The following ANKRD16 variants were observed in gnomAD, a reference collection of about 807,000 sequenced individuals.
ANKRD16 encodes the protein ankyrin repeat domain-containing protein 16.
In ANKRD16, 35 loss-of-function variants were observed where a neutral mutation model predicts 37.9. The observed-to-expected ratio is 0.92, with a 90% confidence interval of 0.71 to 1.23. The LOEUF is 1.23. Among genes scored for constraint, ANKRD16 ranks in the 50% most tolerant of loss-of-function variants. The pLI, the probability that ANKRD16 is intolerant of heterozygous loss-of-function variation, is 0.00. For missense variants in ANKRD16, 480 were observed against 469.9 expected (o/e 1.02, Z -0.20); for synonymous variants, 206 against 197.2 (o/e 1.04, Z -0.37).
Position 5,889,339 on chromosome 10 carries a change from C to T in ANKRD16, c.16G>A (p.Asp6Asn). The T allele has an allele frequency of 1.0e-5, 13 of 1,250,522 alleles. No individual in the cohort carries two copies. The highest frequency in any genetic ancestry group is 1.3e-5 in the Non-Finnish European group (13 of 1,000,530). 77.5% of individuals were successfully genotyped at this position (1,250,522 alleles called of 1,614,324 possible). A position where few individuals can be genotyped will look rare whatever the true frequency, so the allele number is the denominator to read the frequency against. ...ACCAGCCTGCAGAGGCGCCGCGGGTCCCCGGGCTGGGCCATCGCCGCGGGT... is the reference window on the plus strand; with the variant it reads ...ACCAGCCTGCAGAGGCGCCGCGGGTTCCCGGGCTGGGCCATCGCCGCGGGT... MAQPGDPRRLCRLVQE... is the reference protein window; with the variant it reads MAQPGNPRRLCRLVQE... Residue 6 changes from aspartate to asparagine, a missense_variant, in exon 1 of 8, where the codon GAC becomes AAC. By Grantham distance (23) the Asp-to-Asn change is conservative. Transcript: ENST00000380094.
chr10:5,883,119 C>T lies in ANKRD16; in HGVS notation c.736G>A (p.Ala246Thr). The T allele has an allele frequency of 4.3e-6, 7 of 1,614,030 alleles. No individual in the cohort carries two copies. The highest frequency in any genetic ancestry group is 5.9e-6 in the Non-Finnish European group (7 of 1,180,026). Residue 246 changes from alanine to threonine, a missense_variant, in exon 5 of 8, where the codon GCA (alanine) becomes ACA (threonine). By Grantham distance (58) the Ala-to-Thr change is moderately conservative (BLOSUM62 0). Transcript: ENST00000380094. Reference sequence around the variant, plus strand: ...GCTTCGTCCTGCCCTGTGACAGCTGCCCTGTGCAGAGCCTGGGCACCCAGG... The same window carrying T: ...GCTTCGTCCTGCCCTGTGACAGCTGTCCTGTGCAGAGCCTGGGCACCCAGG... Reference protein sequence around the residue: ...DSLGAQALHRAAVTGQDEAIR... With the variant: ...DSLGAQALHRTAVTGQDEAIR...
chr10:5,884,739 TA>T (rs34030686), intron 3 of ANKRD16, among the ~76,000 whole-genome samples: 71 of 120,106 alleles, frequency 5.9e-4, no homozygotes, highest in African/African-American at 1.2e-3. Flanking sequence ...TCTCAAAAAC[TA>T]AAAAAAAAAA....
At position 5,862,638 on chromosome 10, in the gene ANKRD16, G is replaced by A; in HGVS notation, c.*87C>T. 7.8e-7 allele frequency: 1 copy of A among 1,289,556 alleles called. No individual in the cohort carries two copies. The highest frequency in any genetic ancestry group is 1.5e-5 in the African/African-American group (1 of 65,914). The allele number at this position is 1,289,556 out of a possible 1,614,324, so 79.9% of individuals were successfully genotyped here. ...AGGTTCAGGATGACTGAAGCAAGTT[G>A]CACTTGGCTTTCTCTGAGCCGAAAA... On this transcript the variant is annotated 3_prime_UTR_variant, in exon 8 of 8. Coordinates refer to ENST00000380094, the MANE Select transcript of ANKRD16 (RefSeq NM_019046.3). The surrounding 1 kb of genome is among the most constrained non-coding windows in gnomAD (Gnocchi z 6.5).
Position 5,880,292 on chromosome 10 carries a change from C to T in ANKRD16, c.928+6G>A, listed in dbSNP as rs148178134. The T allele has an allele frequency of 1.7e-4, 271 of 1,559,622 alleles. No individual in the cohort carries two copies. The African/African-American group carries it at 2.3e-3, about 13-fold the overall frequency. ...TTTCCAAGGCATATATAAAATTAAA[C>T]GGTACCTGATCGATTTTTTTCATCT... On this transcript the variant is annotated splice_donor_region_variant and intron_variant, in intron 6 of 7. Transcript: ENST00000380094.
chr10:5,871,901 G>C lies in ANKRD16; in HGVS notation c.*33+6196C>G, dbSNP rs1021632605. Among the ~76,000 whole-genome samples, 1 of 152,088 alleles carries C rather than the reference G, an allele frequency of 6.6e-6. No homozygotes were observed. Among genetic ancestry groups the C allele is most frequent in the Non-Finnish European group, 1.5e-5 (1 of 68,024 alleles). ...TCCTTCACCACACAATGCAGCCAAGGGTGCAGAGAGTTGCTCAGGCCCCTG... is the reference window on the plus strand; with the variant it reads ...TCCTTCACCACACAATGCAGCCAAGCGTGCAGAGAGTTGCTCAGGCCCCTG... On this transcript the variant is annotated intron_variant, in intron 7 of 7. Coordinates refer to ENST00000380094, the MANE Select transcript of ANKRD16 (RefSeq NM_019046.3). This position sits in a 1 kb window ranked among gnomAD's most constrained non-coding sequence, Gnocchi z 4.5.
At chr10:5,872,593 G>A (rs1842109408) in intron 7 of ANKRD16, among the ~76,000 whole-genome samples, 1 of 152,074 alleles carries the variant, frequency 6.6e-6, no homozygotes, top group Non-Finnish European at 1.5e-5. Context: ...ATCTCACTCT[G>A]TTGCCCAGGC....
At chr10:5,876,685 G>A (rs1212706996) in intron 7 of ANKRD16, among the ~76,000 whole-genome samples, 5 of 152,288 alleles carry the variant, frequency 3.3e-5, no homozygotes, top group East Asian at 1.9e-4. Context: ...TAAGACGAAC[G>A]GGAAATTCTT....
chr10:5,873,787 T>C (rs543651900), intron 7 of ANKRD16, among the ~76,000 whole-genome samples: 1 of 152,194 alleles, frequency 6.6e-6, no homozygotes, highest in Non-Finnish European at 1.5e-5. Context: ...ATCCTTTCCC[T>C]CTTGTCTTGT....
In ANKRD16 at chr10:5,862,437, G is replaced by A; in HGVS notation, c.*288C>T. 4.6e-6 allele frequency: 2 copies of A among 437,162 alleles called. No individual in the cohort carries two copies. Among genetic ancestry groups the A allele is most frequent in the Non-Finnish European group, 8.7e-6 (2 of 231,204 alleles). The allele number at this position is 437,162 out of a possible 1,614,324, so 27.1% of individuals were successfully genotyped here. ...CTGGTCAGTTTCACTATCATCCTCA[G>A]ACTCTTCCAGTCAATGGTTGGTGAT... On this transcript the variant is annotated 3_prime_UTR_variant, in exon 8 of 8. Coordinates refer to ENST00000380094, the MANE Select transcript of ANKRD16 (RefSeq NM_019046.3). This position sits in a 1 kb window ranked among gnomAD's most constrained non-coding sequence, Gnocchi z 6.5.
rs756625869 is a variant in ANKRD16, at chr10:5,868,866, C to T, written c.*34-6175G>A. Among the ~76,000 whole-genome samples the T allele has an allele frequency of 5.3e-5, 8 of 152,088 alleles. No individual in the cohort carries two copies. Among genetic ancestry groups the T allele is most frequent in the Non-Finnish European group, 1.0e-4 (7 of 68,024 alleles). ...CCATCTTTAAGATCATAACACTCACCGCAAGGTCTGTGGCTTCATTCTTGA... is the reference window on the plus strand; with the variant it reads ...CCATCTTTAAGATCATAACACTCACTGCAAGGTCTGTGGCTTCATTCTTGA... On this transcript the variant is annotated intron_variant, in intron 7 of 7. Transcript: ENST00000380094. The surrounding 1 kb of genome is among the most constrained non-coding windows in gnomAD (Gnocchi z 4.9).
In ANKRD16 at chr10:5,868,004, C is replaced by A. The variant is rs1450229199; in HGVS notation, c.*34-5313G>T. 2.0e-5 allele frequency among the ~76,000 whole-genome samples: 3 copies of A among 152,182 alleles called. No individual in the cohort carries two copies. The East Asian group carries it at 5.8e-4, about 29-fold the overall frequency. On this transcript the variant is annotated intron_variant, in intron 7 of 7. Transcript: ENST00000380094. The surrounding 1 kb of genome is among the most constrained non-coding windows in gnomAD (Gnocchi z 4.9). ...AGTACGAGATGCCGCCTGGCGTTTA[C>A]AGGAAAAGGCTTCTGAAATCAGACA... is the stretch of plus-strand genomic sequence containing the variant.
chr10:5,878,084 G>A lies in ANKRD16; in HGVS notation c.*33+13C>T, dbSNP rs970588248. On this transcript the variant is annotated intron_variant, in intron 7 of 7. Coordinates refer to ENST00000380094, the MANE Select transcript of ANKRD16 (RefSeq NM_019046.3). This position sits in a 1 kb window ranked among gnomAD's most constrained non-coding sequence, Gnocchi z 5.1. ...GAATCTGTGACTGACTTAAGAAGCA[G>A]GATATGAATTACCATGCACTTTATT... The A allele has an allele frequency of 6.3e-7, 1 of 1,585,836 alleles. No homozygotes were observed. The highest frequency in any genetic ancestry group is 8.6e-7 in the Non-Finnish European group (1 of 1,164,970).
Position 5,874,840 on chromosome 10 carries a change from G to A in ANKRD16, c.*33+3257C>T, listed in dbSNP as rs909196527. Among the ~76,000 whole-genome samples, 6 of 152,148 alleles carry A rather than the reference G, an allele frequency of 3.9e-5. No homozygotes were observed. The highest frequency in any genetic ancestry group is 5.9e-5 in the Non-Finnish European group (4 of 68,040). On this transcript the variant is annotated intron_variant, in intron 7 of 7. Coordinates refer to ENST00000380094, the MANE Select transcript of ANKRD16 (RefSeq NM_019046.3). The surrounding 1 kb of genome is among the most constrained non-coding windows in gnomAD (Gnocchi z 4.7). Reference sequence around the variant, plus strand: ...GCTTCAGGAGAAAATCCAGAATGACGGAGATGCTGGAGACAGAAGCTGGTA... The same window carrying A: ...GCTTCAGGAGAAAATCCAGAATGACAGAGATGCTGGAGACAGAAGCTGGTA...
At position 5,889,370 on chromosome 10, in the gene ANKRD16, CG is replaced by C; in HGVS notation, c.-17del. ...GCTGGGCCATCGCCGCGGGTCGGGC[CG>C]GGCTGCGCGGGGAGGCGGCGGGCGG... On this transcript the variant is annotated 5_prime_UTR_variant, in exon 1 of 8. Transcript: ENST00000380094. 1 of 1,202,280 alleles carries C rather than the reference CG, an allele frequency of 8.3e-7. No homozygotes were observed. 74.5% of individuals were successfully genotyped at this position (1,202,280 alleles called of 1,614,324 possible).
chr10:5,879,774 G>A (rs1272662078), intron 6 of ANKRD16, among the ~76,000 whole-genome samples: 1 of 111,826 alleles, frequency 8.9e-6, no homozygotes, highest in African/African-American at 3.2e-5. Context: ...GTTGTAATGA[G>A]TGGCAGTCAT....
Position 5,863,937 on chromosome 10 carries a change from C to T in ANKRD16, c.*34-1246G>A, listed in dbSNP as rs1178088937. On this transcript the variant is annotated intron_variant, in intron 7 of 7. Transcript: ENST00000380094. This position sits in a 1 kb window ranked among gnomAD's most constrained non-coding sequence, Gnocchi z 4.7. ...TGGGAAACACTCAGGCATCAACAGGCTCACCCTTGAAATGCATCTAAGCCA... is the reference window on the plus strand; with the variant it reads ...TGGGAAACACTCAGGCATCAACAGGTTCACCCTTGAAATGCATCTAAGCCA... 1.3e-5 allele frequency among the ~76,000 whole-genome samples: 2 copies of T among 152,108 alleles called. No individual in the cohort carries two copies. Among genetic ancestry groups the T allele is most frequent in the Non-Finnish European group, 2.9e-5 (2 of 68,026 alleles).
intron 7 of ANKRD16, among the ~76,000 whole-genome samples, chr10:5,875,941 T>C (rs529748531): frequency 1.3e-5 from 2 of 152,112 alleles, no homozygotes; most frequent in Non-Finnish European, 1.5e-5. Context: ...TGGAGTACAG[T>C]GGCACGATCT....
chr10:5,884,209 TCCC>T, intron 3 of ANKRD16, 132 bp from the exon 4 acceptor site: 1 of 660,742 alleles, frequency 1.5e-6, no homozygotes, highest in South Asian at 1.8e-5. Context: ...CTCTCTATTC[TCCC>T]CCATCTCAGT....
At position 5,862,633 on chromosome 10, in the gene ANKRD16, A is replaced by C. The variant is rs757616519; in HGVS notation, c.*92T>G. On this transcript the variant is annotated 3_prime_UTR_variant, in exon 8 of 8. Coordinates refer to ENST00000380094, the MANE Select transcript of ANKRD16 (RefSeq NM_019046.3). This position sits in a 1 kb window ranked among gnomAD's most constrained non-coding sequence, Gnocchi z 6.5. ...AACTCAGGTTCAGGATGACTGAAGCAAGTTGCACTTGGCTTTCTCTGAGCC... is the reference window on the plus strand; with the variant it reads ...AACTCAGGTTCAGGATGACTGAAGCCAGTTGCACTTGGCTTTCTCTGAGCC... 2.3e-5 allele frequency: 30 copies of C among 1,289,574 alleles called. 1 individual carries two copies. In the African/African-American group the frequency reaches 2.7e-4, roughly 12 times the overall value. 79.9% of individuals were successfully genotyped at this position (1,289,574 alleles called of 1,614,324 possible).
Sources: allele counts gnomAD v4.1 joint callset (sites outside exome capture counted in the v4.1 genomes callset), GRCh38; gene constraint gnomAD v4.1.1; non-coding constraint Gnocchi (gnomAD v3.1); transcripts MANE v1.5; gene names NCBI Gene and HGNC (gene_info 2026-07-23, HGNC 2026-07-21).